PROM1: variants seen among roughly 807,000 people sequenced by gnomAD.
PROM1 encodes prominin-1.
Under a neutral mutation model 116.9 loss-of-function variants are expected in PROM1, and 105 were observed. The ratio of observed to expected loss-of-function variants is 0.90; its 90% CI spans 0.77 to 1.06. PROM1 has a LOEUF of 1.06. Among genes scored for constraint, PROM1 ranks in the 50% least tolerant of loss-of-function variants. The pLI is 0.00. For missense variants in PROM1, 1,122 were observed against 1,045.2 expected (o/e 1.07, Z -1.01); for synonymous variants, 393 against 387.0 (o/e 1.02, Z -0.18).
chr4:16,037,856 A>T, intron 3 of PROM1: 1 of 152,266 alleles, frequency 6.6e-6, no homozygotes, highest in East Asian at 1.9e-4. Context: ...AGAGGAGTGC[A>T]TTGGCAGCAA....
chr4:16,010,761 A>G (rs1006565211), intron 11 of PROM1, among the ~76,000 whole-genome samples: 2 of 152,130 alleles, frequency 1.3e-5, no homozygotes, highest in Non-Finnish European at 2.9e-5. Flanking sequence ...TCAGCCTCCC[A>G]AAGTGCTGGG....
At chr4:16,033,546 C>A in intron 4 of PROM1, 37 bp from the exon 5 acceptor site, 1 of 1,224,906 alleles carries the variant, frequency 8.2e-7, no homozygotes, top group South Asian at 1.4e-5. Flanking sequence ...CATATTGTAG[C>A]ACAAAATAAT....
chr4:16,001,031 AGTGTAAAG>A (rs1190288597), intron 13 of PROM1, among the ~76,000 whole-genome samples: 4 of 152,210 alleles, frequency 2.6e-5, no homozygotes, highest in African/African-American at 9.7e-5. Flanking sequence ...CTCTTGGCAC[AGTGTAAAG>A]GATAGACTGG....
At chr4:15,996,599 C>T (rs1722387888) in intron 15 of PROM1, among the ~76,000 whole-genome samples, 1 of 152,156 alleles carries the variant, frequency 6.6e-6, no homozygotes, top group Non-Finnish European at 1.5e-5. Flanking sequence ...GGTTTGGCTA[C>T]AGGAACTAAT....
At chr4:16,052,757 A>G (rs1213466032) in intron 2 of PROM1, among the ~76,000 whole-genome samples, 1 of 152,232 alleles carries the variant, frequency 6.6e-6, no homozygotes, top group Non-Finnish European at 1.5e-5. Context: ...CTGGGATTAC[A>G]GGTGTGAGCC....
intron 26 of PROM1, among the ~76,000 whole-genome samples, chr4:15,974,109 T>A (rs3857148): frequency 0.038 from 2,729 of 72,452 alleles, 87 homozygotes; most frequent in African/African-American, 0.079. Flanking sequence ...ACACACACAC[T>A]CTCTCTCTTT....
intron 2 of PROM1, among the ~76,000 whole-genome samples, chr4:16,068,204 C>T (rs1741994229): frequency 6.6e-6 from 1 of 152,128 alleles, no homozygotes; most frequent in African/African-American, 2.4e-5. Context: ...TTTTTGGTTA[C>T]CTTGGCTATC....
rs149888717 is a variant in PROM1 at position 16,042,409 on chromosome 4, C to A, written c.221-3408G>T. 3.2e-3 allele frequency among the ~76,000 whole-genome samples: 492 copies of A among 152,136 alleles called. 10 individuals are homozygous for A. The highest frequency in any genetic ancestry group is 0.025 in the Admixed American group (375 of 15,276). On this transcript the variant is annotated intron_variant, in intron 2 of 27. Transcript: ENST00000447510. ...TCATGCATCATGTCACAAAAGCCTGCGTGGAAAAAGATCCATTCAAAGTGG... is the reference window on the plus strand; with the variant it reads ...TCATGCATCATGTCACAAAAGCCTGAGTGGAAAAAGATCCATTCAAAGTGG...
intron 2 of PROM1, among the ~76,000 whole-genome samples, chr4:16,061,893 T>C (rs1278184244): frequency 6.9e-6 from 1 of 145,824 alleles, no homozygotes; most frequent in South Asian, 2.2e-4. Context: ...ATTTCCTTTT[T>C]TTTTTTTTTT....
intron 2 of PROM1, among the ~76,000 whole-genome samples, chr4:16,067,333 G>C (rs1229662973): frequency 1.3e-5 from 2 of 152,184 alleles, no homozygotes; most frequent in Non-Finnish European, 2.9e-5. Context: ...ATTATGACTT[G>C]CCTCTGAAGC....
intron 2 of PROM1, among the ~76,000 whole-genome samples, chr4:16,061,298 G>A (rs1002300138): frequency 6.6e-6 from 1 of 152,130 alleles, no homozygotes; most frequent in African/African-American, 2.4e-5. Context: ...CAACAACAAC[G>A]GAATGTCAAC....
At chr4:16,069,132 G>A (rs1004739311) in intron 2 of PROM1, among the ~76,000 whole-genome samples, 1 of 152,196 alleles carries the variant, frequency 6.6e-6, no homozygotes, top group African/African-American at 2.4e-5. Context: ...CTACGCGGGA[G>A]GCTGAGGCAG....
At chr4:15,989,887 TCC>T in intron 18 of PROM1, 63 bp from the exon 19 acceptor site, 1 of 1,330,544 alleles carries the variant, frequency 7.5e-7, no homozygotes, top group Non-Finnish European at 1.1e-6. Context: ...ACTCTCGCTA[TCC>T]TCAGGGGCCC....
chr4:15,996,570 G>T (rs1577916879), intron 15 of PROM1, among the ~76,000 whole-genome samples: 1 of 152,216 alleles, frequency 6.6e-6, no homozygotes, highest in South Asian at 2.1e-4. Context: ...AGCTACATTT[G>T]TTTTAAAATA....
chr4:16,054,543 C>G (rs1404203962), intron 2 of PROM1, among the ~76,000 whole-genome samples: 1 of 152,180 alleles, frequency 6.6e-6, no homozygotes, highest in Non-Finnish European at 1.5e-5. Context: ...AATTCCAGGT[C>G]AGAAACTTAA....
At chr4:16,047,266 G>A (rs551175753) in intron 2 of PROM1, among the ~76,000 whole-genome samples, 2 of 152,144 alleles carry the variant, frequency 1.3e-5, no homozygotes, top group South Asian at 2.1e-4. Context: ...GTACAGTGGG[G>A]CAATCTCAGC....
chr4:15,989,970 G>A (rs1314706390), intron 18 of PROM1, 146 bp from the exon 19 acceptor site: 1 of 652,146 alleles, frequency 1.5e-6, no homozygotes, highest in Non-Finnish European at 2.7e-6. Flanking sequence ...GGGCTGGTGT[G>A]AGGGATAGTG....
intron 23 of PROM1, 68 bp from the exon 24 acceptor site, chr4:15,980,605 GATT>G: frequency 8.1e-6 from 6 of 745,198 alleles, no homozygotes; most frequent in Non-Finnish European, 7.7e-6. Context: ...TTGTTTGGGG[GATT>G]TTTTTTTTTT....
chr4:16,035,526 T>C (rs537445996), intron 4 of PROM1, among the ~76,000 whole-genome samples: 30 of 152,370 alleles, frequency 2.0e-4, no homozygotes, highest in African/African-American at 7.2e-4. Flanking sequence ...AACTGTTTTT[T>C]GATACACCAA....
Sources: gnomAD v4.1 joint callset for allele counts (sites outside exome capture counted in the v4.1 genomes callset) on GRCh38, gnomAD v4.1.1 for gene constraint, MANE v1.5 for transcripts, NCBI Gene and HGNC (gene_info 2026-07-23, HGNC 2026-07-21) for gene names.